The following MPP7 variants were observed in gnomAD, a reference collection of about 807,000 sequenced individuals.
MPP7 encodes the protein MAGUK p55 scaffold protein 7.
MPP7 carries 60 observed loss-of-function variants against 76.5 expected under a neutral mutation model. That is an observed-to-expected ratio of 0.78 (90% CI 0.64 to 0.97). The LOEUF is 0.97. MPP7 is among the 50% of genes least tolerant of loss of function. The pLI, the probability that MPP7 is intolerant of heterozygous loss-of-function variation, is 0.00. For synonymous variants in MPP7, 237 were observed against 244.5 expected, an observed-to-expected ratio of 0.97 and a Z score of 0.29; for missense variants, 641 against 694.0, an observed-to-expected ratio of 0.92 and a Z score of 0.86.
At chr10:28,132,582 C>G (rs1564649046) in intron 5 of MPP7, among the ~76,000 whole-genome samples, 2 of 151,976 alleles carry the variant, frequency 1.3e-5, no homozygotes, top group Admixed American at 1.3e-4. Context: ...AATGCATGCC[C>G]CAATGCCCAG....
rs199709166 is a variant in MPP7 at position 28,202,683 on chromosome 10, G to T, written c.38-412C>A. 9.9e-5 allele frequency among the ~76,000 whole-genome samples: 15 copies of T among 152,218 alleles called. No individual in the cohort carries two copies. In the East Asian group the frequency reaches 2.9e-3, roughly 29 times the overall value. ...AGAAGAACAGAGAATTGATAGGGTG[G>T]CCCATTAAAAGGGTTTTGTAGTGTC... On this transcript the variant is annotated intron_variant, in intron 2 of 16. Transcript: ENST00000683449.
intron 13 of MPP7, among the ~76,000 whole-genome samples, chr10:28,066,829 T>C (rs1200611953): frequency 6.6e-6 from 1 of 152,250 alleles, no homozygotes; most frequent in Non-Finnish European, 1.5e-5. Flanking sequence ...TCATTCTTAT[T>C]GTTGCATGTA....
At chr10:28,067,154 C>A (rs1375386730) in intron 13 of MPP7, among the ~76,000 whole-genome samples, 1 of 152,132 alleles carries the variant, frequency 6.6e-6, no homozygotes, top group Non-Finnish European at 1.5e-5. Context: ...AATTTACATT[C>A]CCATCAGCAA....
chr10:28,308,202 G>C (rs1320907942), intron 2 of MPP7, among the ~76,000 whole-genome samples: 1 of 152,198 alleles, frequency 6.6e-6, no homozygotes, highest in African/African-American at 2.4e-5. Flanking sequence ...TGGTCCTTCA[G>C]ACATTCATCC....
At chr10:28,253,764 G>A (rs1375834560) in intron 1 of MPP7, among the ~76,000 whole-genome samples, 1 of 151,970 alleles carries the variant, frequency 6.6e-6, no homozygotes. Flanking sequence ...CGGAGGCCAA[G>A]GCGGGTGGAT....
intron 12 of MPP7, among the ~76,000 whole-genome samples, chr10:28,080,679 G>A (rs1391625313): frequency 6.6e-6 from 1 of 152,164 alleles, no homozygotes; most frequent in African/African-American, 2.4e-5. Context: ...TTTATGCCCA[G>A]AAATGAAGTC....
intron 1 of MPP7, among the ~76,000 whole-genome samples, chr10:28,262,024 AC>A (rs1367923028): frequency 6.6e-6 from 1 of 150,512 alleles, no homozygotes; most frequent in African/African-American, 2.4e-5. Context: ...GGTGGCGCAC[AC>A]CTGTAGTCCC....
At chr10:28,289,115 A>C (rs141470355) in intron 1 of MPP7, 2,311 of 152,202 alleles carry the variant, frequency 0.015, 38 homozygotes, top group East Asian at 0.071. Context: ...GCCTGGCCAA[A>C]ATGGTGAAAC....
chr10:28,204,027 T>C (rs1356055937), intron 2 of MPP7, among the ~76,000 whole-genome samples: 2 of 152,188 alleles, frequency 1.3e-5, no homozygotes, highest in Non-Finnish European at 2.9e-5. Context: ...AAAGCAAAAG[T>C]GTGGATCAAA....
At chr10:28,147,884 TAAG>T (rs1476218817) in intron 4 of MPP7, among the ~76,000 whole-genome samples, 12 of 152,252 alleles carry the variant, frequency 7.9e-5, no homozygotes, top group African/African-American at 2.4e-4. Context: ...GGACCACTTG[TAAG>T]AAGAACTGGA....
intron 2 of MPP7, among the ~76,000 whole-genome samples, chr10:28,233,051 A>T (rs1312487023): frequency 6.6e-6 from 1 of 152,240 alleles, no homozygotes; most frequent in African/African-American, 2.4e-5. Context: ...TAAAAACTAT[A>T]AAGATAGTAT....
At chr10:28,321,991 T>C (rs1386893517) in intron 2 of MPP7, among the ~76,000 whole-genome samples, 1 of 124,190 alleles carries the variant, frequency 8.1e-6, no homozygotes. Context: ...GTGTGTGTGT[T>C]TAGCTGTACA....
intron 12 of MPP7, among the ~76,000 whole-genome samples, chr10:28,083,928 T>G (rs1406939779): frequency 1.3e-5 from 2 of 152,188 alleles, no homozygotes; most frequent in Non-Finnish European, 2.9e-5. Flanking sequence ...AAAATGAATA[T>G]TCTCCATTAA....
chr10:28,124,814 G>A (rs1028130578), intron 7 of MPP7, among the ~76,000 whole-genome samples, 196 bp downstream of exon 7: 2 of 152,044 alleles, frequency 1.3e-5, no homozygotes, highest in African/African-American at 2.4e-5. Context: ...GGATGCTTGT[G>A]TACAAGAAGA....
chr10:28,152,425 T>C lies in MPP7; in HGVS notation c.157-2366A>G, dbSNP rs7906300. ...TGTTTCCAAAAATATTGACAGAAAT[T>C]CTGCTTTTTATTACTATTTATGATA... On this transcript the variant is annotated intron_variant, in intron 3 of 16. Transcript: ENST00000683449. Among the ~76,000 whole-genome samples the C allele has an allele frequency of 6.8e-3, 1,036 of 152,318 alleles. 19 individuals are homozygous for C. The highest frequency in any genetic ancestry group is 0.023 in the African/African-American group (953 of 41,574).
chr10:28,285,336 C>T (rs1301034245), intron 1 of MPP7, among the ~76,000 whole-genome samples: 1 of 152,156 alleles, frequency 6.6e-6, no homozygotes, highest in South Asian at 2.1e-4. Flanking sequence ...AGGCAACACG[C>T]CACCACACCC....
At chr10:28,310,910 C>T (rs929304414) in intron 2 of MPP7, among the ~76,000 whole-genome samples, 1 of 151,878 alleles carries the variant, frequency 6.6e-6, no homozygotes, top group Non-Finnish European at 1.5e-5. Context: ...ATGGCAAAAC[C>T]CTTAATTAAT....
intron 6 of MPP7, among the ~76,000 whole-genome samples, chr10:28,125,458 T>G (rs1284963661): frequency 6.6e-6 from 1 of 152,166 alleles, no homozygotes; most frequent in South Asian, 2.1e-4. Context: ...TTCATCCTTA[T>G]AGTACCGCAT....
intron 3 of MPP7, among the ~76,000 whole-genome samples, chr10:28,153,336 G>A (rs1457411560): frequency 6.6e-6 from 1 of 152,158 alleles, no homozygotes; most frequent in African/African-American, 2.4e-5. Context: ...GGAGATGAGG[G>A]AGGAAAGGAG....
Sources: allele counts gnomAD v4.1 joint callset (sites outside exome capture counted in the v4.1 genomes callset), GRCh38; gene constraint gnomAD v4.1.1; transcripts MANE v1.5; gene names NCBI Gene and HGNC (gene_info 2026-07-23, HGNC 2026-07-21).